The following RABL6 variants were observed in gnomAD, a reference collection of about 807,000 sequenced individuals.
RABL6 encodes RAB, member RAS oncogene family like 6, also known as rab-like protein 6.
A neutral mutation model predicts 72.9 loss-of-function variants in RABL6; 28 were observed. The observed-to-expected ratio is 0.38, with a 90% CI of 0.28 to 0.53. The LOEUF is 0.53. Ranked by LOEUF, RABL6 falls within the 20% of genes least tolerant of loss-of-function variation. The pLI, the probability that RABL6 is intolerant of heterozygous loss-of-function variation, is 0.80. For synonymous variants in RABL6, 477 were observed against 421.2 expected, an observed-to-expected ratio of 1.13 and a Z score of -1.62; for missense variants, 1,029 against 1,008.4, an observed-to-expected ratio of 1.02 and a Z score of -0.28.
chr9:136,835,970 C>G (rs556983588), intron 8 of RABL6, 125 bp downstream of exon 8: 2 of 909,428 alleles, frequency 2.2e-6, no homozygotes, highest in African/African-American at 3.3e-5. Context: ...AAATTAGTCA[C>G]CTTTGGGCAC....
chr9:136,815,355 T>A (rs1484553889), intron 1 of RABL6: 1 of 276,966 alleles, frequency 3.6e-6, no homozygotes, highest in Admixed American at 4.0e-5. Context: ...TGTCACCTTC[T>A]TGGCTGGGGT....
chr9:136,817,799 C>T (rs2131165681), intron 1 of RABL6, among the ~76,000 whole-genome samples: 1 of 152,246 alleles, frequency 6.6e-6, no homozygotes, highest in Non-Finnish European at 1.5e-5. Context: ...TGCTGGCTCA[C>T]ACTTCTAATT....
At position 136,821,638 on chromosome 9, in the gene RABL6, G is replaced by GCGCC. The variant is rs1230423160; in HGVS notation, c.131-1886_131-1883dup. The GCGCC allele has an allele frequency of 2.3e-5, 23 of 988,430 alleles. No homozygotes were observed. The East Asian group carries it at 2.4e-3, about 102-fold the overall frequency. 61.2% of individuals were successfully genotyped at this position (988,430 alleles called of 1,614,324 possible). Reference sequence around the variant, plus strand: ...CCTGCCTCGGGCCGGAGGAGGGAGGGCGCCGCGGCCCGTCTCGGGCCTCCC... The same window carrying GCGCC: ...CCTGCCTCGGGCCGGAGGAGGGAGGGCGCCCGCCGCGGCCCGTCTCGGGCCTCCC... On this transcript the variant is annotated intron_variant, in intron 1 of 14. Transcript: ENST00000311502.
In RABL6 at chr9:136,837,397, G is replaced by T; in HGVS notation, c.861G>T (p.Ala287=). 6.3e-7 allele frequency: 1 copy of T among 1,597,282 alleles called. No individual in the cohort carries two copies. Among genetic ancestry groups the T allele is most frequent in the Non-Finnish European group, 8.5e-7 (1 of 1,173,066 alleles). Reference sequence around the variant, plus strand: ...GCCGTGGCCATGCGTCCCCACTGGCGGCCAACGGGCAGAGCCCATCCCCGG... The same window carrying T: ...GCCGTGGCCATGCGTCCCCACTGGCTGCCAACGGGCAGAGCCCATCCCCGG... ...ARSRGHASPL[A]ANGQSPSPGS... Residue 287 remains alanine, a synonymous_variant, in exon 9 of 15, where the codon GCG becomes GCT. Coordinates refer to ENST00000311502, the MANE Select transcript of RABL6 (RefSeq NM_024718.5).
chr9:136,832,271 A>T lies in RABL6; in HGVS notation c.606A>T (p.Pro202=), dbSNP rs1848493341. 1.9e-6 allele frequency: 3 copies of T among 1,613,500 alleles called. No homozygotes were observed. Among genetic ancestry groups the T allele is most frequent in the South Asian group, 2.2e-5 (2 of 91,078 alleles). The change falls in exon 7 of 15, where the codon CCA becomes CCT. Residue 202 remains proline, a synonymous_variant. Transcript: ENST00000311502. Reference sequence around the variant, plus strand: ...TTTTCCTTTCTGAAAGCAGACCTCCAGGTTCCTCCTACTTCCGCTATGCTG... The same window carrying T: ...TTTTCCTTTCTGAAAGCAGACCTCCTGGTTCCTCCTACTTCCGCTATGCTG... ...RDFIDNLDRP[P]GSSYFRYAES...
Position 136,838,982 on chromosome 9 carries a change from C to T in RABL6, c.1354C>T (p.Arg452Cys), listed in dbSNP as rs757854786. ...CGATGTGGACCTCGAAGACCAGCCA[C>T]GTGGGAGTCCCCCGCTGCCTGCAGG... Reference protein sequence around the residue: ...QDDVDLEDQPRGSPPLPAGPV... With the variant: ...QDDVDLEDQPCGSPPLPAGPV... Residue 452 changes from arginine to cysteine, a missense_variant, in exon 11 of 15, where the codon CGT (arginine) becomes TGT (cysteine). Transcript: ENST00000311502. 35 of 1,611,630 alleles carry T rather than the reference C, an allele frequency of 2.2e-5. No homozygotes were observed. Among genetic ancestry groups the T allele is most frequent in the South Asian group, 5.5e-5 (5 of 90,964 alleles).
Position 136,840,532 on chromosome 9 carries a change from G to A in RABL6, c.*10G>A, listed in dbSNP as rs1245024620. 1 of 1,543,900 alleles carries A rather than the reference G, an allele frequency of 6.5e-7. No individual in the cohort carries two copies. Among genetic ancestry groups the A allele is most frequent in the Admixed American group, 2.0e-5 (1 of 50,588 alleles). ...CTACGAGGAGCTCTAGGCCGGCGTG[G>A]GCAGTGGCCGCCCTGGGGCGGGGGG... On this transcript the variant is annotated 3_prime_UTR_variant, in exon 15 of 15. Coordinates refer to ENST00000311502, the MANE Select transcript of RABL6 (RefSeq NM_024718.5).
At chr9:136,821,968 A>C in intron 1 of RABL6, 1 of 1,289,556 alleles carries the variant, frequency 7.8e-7, no homozygotes, top group Non-Finnish European at 1.0e-6. Context: ...AGATATGACC[A>C]GAGGCGTTGA....
At chr9:136,824,331 T>G (rs1441838165) in intron 2 of RABL6, among the ~76,000 whole-genome samples, 5 of 138,820 alleles carry the variant, frequency 3.6e-5, no homozygotes, top group African/African-American at 1.3e-4. Flanking sequence ...GTTGGGTTTT[T>G]TTTTTTTTTT....
At chr9:136,833,844 C>G (rs1211349217) in intron 7 of RABL6, 14 of 1,550,430 alleles carry the variant, frequency 9.0e-6, no homozygotes, top group African/African-American at 2.7e-5. Flanking sequence ...GGCAGTCAGA[C>G]TTGTCCTGTG....
In RABL6 at chr9:136,839,410, T is replaced by G; in HGVS notation, c.1682T>G (p.Ile561Ser). The G allele has an allele frequency of 1.9e-6, 3 of 1,612,498 alleles. No individual in the cohort carries two copies. The highest frequency in any genetic ancestry group is 2.5e-6 in the Non-Finnish European group (3 of 1,179,728). Reference protein sequence around the residue: ...SSSESDPEGPIAAQMLSFVMD... With the variant: ...SSSESDPEGPSAAQMLSFVMD... ...TCGGAGAGTGACCCCGAGGGACCCA[T>G]TGCTGCACAAATGCTGTCCTTCGTC... is the stretch of plus-strand genomic sequence containing the variant. Residue 561 changes from isoleucine to serine, a missense_variant, in exon 12 of 15, where the codon ATT becomes AGT. Ile to Ser is a moderately radical substitution (Grantham distance 142). Around this residue, in one of 2 missense-constraint regions of RABL6, gnomAD observed 595 missense variants for 472.4 expected, o/e 1.26. Coordinates refer to ENST00000311502, the MANE Select transcript of RABL6 (RefSeq NM_024718.5).
At position 136,823,580 on chromosome 9, in the gene RABL6, C is replaced by A. The variant is rs371702474; in HGVS notation, c.186C>A (p.Arg62=). Residue 62 remains arginine, a synonymous_variant, in exon 2 of 15, where the codon CGC becomes CGA. Coordinates refer to ENST00000311502, the MANE Select transcript of RABL6 (RefSeq NM_024718.5). The part of the protein sequence containing the change: ...RNTGKTALWH[R]LQGRPFVEEY... ...CGGGCAAGACAGCGCTGTGGCACCGCCTGCAGGGCCGGCCGTTCGTGGAGG... is the reference window on the plus strand; with the variant it reads ...CGGGCAAGACAGCGCTGTGGCACCGACTGCAGGGCCGGCCGTTCGTGGAGG... 8 of 1,613,756 alleles carry A rather than the reference C, an allele frequency of 5.0e-6. No individual in the cohort carries two copies. Among genetic ancestry groups the A allele is most frequent in the Non-Finnish European group, 6.8e-6 (8 of 1,179,870 alleles).
At chr9:136,815,817 CAG>C (rs1283362144) in intron 1 of RABL6, among the ~76,000 whole-genome samples, 2 of 152,176 alleles carry the variant, frequency 1.3e-5, no homozygotes, top group East Asian at 3.9e-4. Context: ...TAAATTGAAT[CAG>C]GGTAAGAAAG....
chr9:136,840,483 C>G lies in RABL6; in HGVS notation c.2151C>G (p.Gly717=), dbSNP rs1177257599. The G allele has an allele frequency of 1.3e-6, 2 of 1,525,486 alleles. No homozygotes were observed. The highest frequency in any genetic ancestry group is 1.8e-6 in the Non-Finnish European group (2 of 1,138,280). The allele number at this position is 1,525,486 out of a possible 1,614,324, so 94.5% of individuals were successfully genotyped here. ...CTTTCCTGGGGGGCGGGGCCCCGGG[C>G]GGCCGCCACCCTGGGGGTGGCGACT... The part of the protein sequence containing the change: ...LEAFLGGGAP[G]GRHPGGGDYE... Residue 717 remains glycine (G), a synonymous_variant, in exon 15 of 15, where the codon GGC becomes GGG. Coordinates refer to ENST00000311502, the MANE Select transcript of RABL6 (RefSeq NM_024718.5).
chr9:136,823,578 C>T lies in RABL6; in HGVS notation c.184C>T (p.Arg62Cys), dbSNP rs368455449. 3 of 1,613,734 alleles carry T rather than the reference C, an allele frequency of 1.9e-6. No individual in the cohort carries two copies. The highest frequency in any genetic ancestry group is 8.5e-7 in the Non-Finnish European group (1 of 1,179,860). Reference protein sequence around the residue: ...RNTGKTALWHRLQGRPFVEEY... With the variant: ...RNTGKTALWHCLQGRPFVEEY... Reference sequence around the variant, plus strand: ...CACGGGCAAGACAGCGCTGTGGCACCGCCTGCAGGGCCGGCCGTTCGTGGA... The same window carrying T: ...CACGGGCAAGACAGCGCTGTGGCACTGCCTGCAGGGCCGGCCGTTCGTGGA... Residue 62 changes from arginine (R) to cysteine (C), a missense_variant, in exon 2 of 15, where the codon CGC becomes TGC. Physicochemically the swap from Arg to Cys is radical, Grantham distance 180 (BLOSUM62 -3). Around this residue, in one of 2 missense-constraint regions of RABL6, gnomAD observed 434 missense variants for 536.1 expected, o/e 0.81. Coordinates refer to ENST00000311502, the MANE Select transcript of RABL6 (RefSeq NM_024718.5).
At chr9:136,813,960 G>T in intron 1 of RABL6, 1 of 383,336 alleles carries the variant, frequency 2.6e-6, no homozygotes, top group South Asian at 2.1e-5. Context: ...CTTTGTAAGG[G>T]AGATTTGTAG....
intron 1 of RABL6, among the ~76,000 whole-genome samples, chr9:136,812,428 G>A (rs1280197252): frequency 6.6e-5 from 10 of 152,080 alleles, no homozygotes; most frequent in Non-Finnish European, 1.0e-4. Flanking sequence ...GTGTGGTGGC[G>A]TATGCCTGTA....
chr9:136,818,828 A>G (rs570127663), intron 1 of RABL6, among the ~76,000 whole-genome samples: 44 of 152,170 alleles, frequency 2.9e-4, no homozygotes, highest in Non-Finnish European at 5.4e-4. Context: ...ATAAAAGAAG[A>G]AACTACCAGA....
chr9:136,836,873 T>G (rs1339746077), intron 8 of RABL6: 2 of 322,792 alleles, frequency 6.2e-6, no homozygotes, highest in Non-Finnish European at 1.2e-5. Context: ...CCTTTGGCAC[T>G]GCTGCTCTTT....
Sources: gnomAD v4.1 joint callset for allele counts (sites outside exome capture counted in the v4.1 genomes callset) on GRCh38, gnomAD v4.1.1 for gene constraint, gnomAD v4.1.1 regional missense constraint, MANE v1.5 for transcripts, NCBI Gene and HGNC (gene_info 2026-07-23, HGNC 2026-07-21) for gene names.